The following NADSYN1 variants were observed in gnomAD, a reference collection of about 807,000 sequenced individuals.
NADSYN1 encodes NAD synthetase 1.
A neutral mutation model predicts 99.3 loss-of-function variants in NADSYN1; 80 were observed. That is an observed-to-expected ratio of 0.81 (90% CI 0.67 to 0.97). The LOEUF (loss-of-function observed/expected upper bound fraction) is 0.97. Among genes scored for constraint, NADSYN1 ranks in the 50% least tolerant of loss-of-function variants. NADSYN1 has a pLI of 0.00. For synonymous variants in NADSYN1, 385 were observed against 372.1 expected, an observed-to-expected ratio of 1.03 and a Z score of -0.40; for missense variants, 859 against 948.5, an observed-to-expected ratio of 0.91 and a Z score of 1.24.
chr11:71,463,921 A>G, intron 4 of NADSYN1, 132 bp from the exon 5 acceptor site: 1 of 660,122 alleles, frequency 1.5e-6, no homozygotes. Flanking sequence ...AGAAGGAGAG[A>G]GATTTGCTCG....
chr11:71,492,019 G>A (rs1157423180), intron 18 of NADSYN1, 116 bp downstream of exon 18: 1 of 965,560 alleles, frequency 1.0e-6, no homozygotes, highest in Non-Finnish European at 1.5e-6. Flanking sequence ...GCTGTCACTG[G>A]GTCCCTGGCC....
rs369555971 is a variant in NADSYN1 at position 71,453,395 on chromosome 11, G to A, written c.85+14G>A. 1 of 1,609,788 alleles carries A rather than the reference G, an allele frequency of 6.2e-7. No individual in the cohort carries two copies. The highest frequency in any genetic ancestry group is 2.2e-5 in the East Asian group (1 of 44,600). On this transcript the variant is annotated intron_variant, in intron 1 of 20. Transcript: ENST00000319023. ...GAATTTTAAAGAGTGAGTCTGGGGC[G>A]GCGGGGGCACCGGTTTGGGGTGGCG...
intron 11 of NADSYN1, 141 bp downstream of exon 11, chr11:71,481,020 G>A: frequency 1.7e-6 from 2 of 1,158,572 alleles, no homozygotes; most frequent in South Asian, 1.5e-5. Flanking sequence ...CATCCCCTGG[G>A]TTGAGGGCGT....
intron 5 of NADSYN1, among the ~76,000 whole-genome samples, chr11:71,465,725 C>A (rs1384602833): frequency 1.3e-5 from 2 of 152,116 alleles, no homozygotes; most frequent in Admixed American, 6.5e-5. Flanking sequence ...ACAGTTATTT[C>A]TGTTTTTTAT....
chr11:71,478,390 T>C lies in NADSYN1; in HGVS notation c.799-5T>C, dbSNP rs2276353. 0.92 allele frequency: 1,474,489 copies of C among 1,598,636 alleles called. 685,525 individuals are homozygous for C. Among genetic ancestry groups the C allele is most frequent in the Non-Finnish European group, 0.96 (1,124,518 of 1,172,540 alleles). On this transcript the variant is annotated splice_polypyrimidine_tract_variant and splice_region_variant and intron_variant, in intron 9 of 20. Transcript: ENST00000319023. Reference sequence around the variant, plus strand: ...ACGGGTTCTCTTTGAAATTTCCTTCTCCAGGAAGTCCTGACGGCCACGCTG... The same window carrying C: ...ACGGGTTCTCTTTGAAATTTCCTTCCCCAGGAAGTCCTGACGGCCACGCTG...
rs58551920 is a variant in NADSYN1 at position 71,493,580 on chromosome 11, T to TA, written c.1764+1687dup. Among the ~76,000 whole-genome samples, 1,420 of 150,204 alleles carry TA rather than the reference T, an allele frequency of 9.5e-3. 23 individuals carry two copies. Among genetic ancestry groups the TA allele is most frequent in the African/African-American group, 0.032 (1,309 of 41,030 alleles). ...TAACAAAAAATGTTAAAAAGCAAAA[T>TA]AAAAAAAAAATCATTTTTTTAATAG... On this transcript the variant is annotated intron_variant, in intron 18 of 20. Transcript: ENST00000319023.
intron 2 of NADSYN1, chr11:71,455,407 G>T (rs1037463527): frequency 4.3e-6 from 2 of 470,220 alleles, no homozygotes; most frequent in Non-Finnish European, 7.5e-6. Context: ...CCAGATGAAG[G>T]CCAGTTTCAA....
At chr11:71,484,470 C>T (rs1949729080) in intron 15 of NADSYN1, 23 bp downstream of exon 15, 5 of 1,605,790 alleles carry the variant, frequency 3.1e-6, no homozygotes, top group Admixed American at 1.7e-5. Context: ...GGGCCGGCGT[C>T]CCCTGGGGGT....
chr11:71,467,765 C>T (rs991533902), intron 5 of NADSYN1, among the ~76,000 whole-genome samples: 3 of 151,958 alleles, frequency 2.0e-5, no homozygotes, highest in African/African-American at 4.8e-5. Context: ...ATTCTTGTCT[C>T]AGAAGGAGAT....
chr11:71,473,490 G>C, intron 7 of NADSYN1, 79 bp from the exon 8 acceptor site: 1 of 1,533,002 alleles, frequency 6.5e-7, no homozygotes, highest in Non-Finnish European at 9.0e-7. Context: ...AGCTGCCGTG[G>C]GAGAGTGCAA....
At chr11:71,460,901 T>C (rs975183923) in intron 3 of NADSYN1, 1 of 152,226 alleles carries the variant, frequency 6.6e-6, no homozygotes, top group Non-Finnish European at 1.5e-5. Flanking sequence ...AGGGTTTGCC[T>C]TTATAAGCAA....
chr11:71,480,913 C>T (rs749579394), intron 11 of NADSYN1, 34 bp downstream of exon 11: 44 of 1,610,282 alleles, frequency 2.7e-5, no homozygotes, highest in African/African-American at 6.7e-5. Flanking sequence ...AGGGACCTGG[C>T]GTCTGTGTGG....
Position 71,474,462 on chromosome 11 carries a change from GTGCCATGAT to G in NADSYN1, c.743_751del (p.Ile248_Met250del). ...GGGGACCGCCTGTACTACGACGGCT[GTGCCATGAT>G]TGCCATGAACGGAAGCGTCTTTGCT... On this transcript the variant is annotated inframe_deletion, in exon 9 of 21. Transcript: ENST00000319023. The G allele has an allele frequency of 1.2e-6, 2 of 1,614,228 alleles. No individual in the cohort carries two copies. Among genetic ancestry groups the G allele is most frequent in the Non-Finnish European group, 1.7e-6 (2 of 1,180,030 alleles).
chr11:71,473,794 C>G, intron 8 of NADSYN1, 108 bp downstream of exon 8: 1 of 837,300 alleles, frequency 1.2e-6, no homozygotes, highest in South Asian at 1.5e-5. Context: ...AATGGATGTT[C>G]CAGGCTAGTA....
intron 1 of NADSYN1, among the ~76,000 whole-genome samples, chr11:71,453,617 A>G (rs1201225173): frequency 6.6e-6 from 1 of 152,158 alleles, no homozygotes; most frequent in African/African-American, 2.4e-5. Flanking sequence ...GGTTAAGAAA[A>G]GTCTGGCGGC....
intron 4 of NADSYN1, among the ~76,000 whole-genome samples, 175 bp from the exon 5 acceptor site, chr11:71,463,878 T>C (rs1949568286): frequency 6.6e-6 from 1 of 152,208 alleles, no homozygotes; most frequent in Non-Finnish European, 1.5e-5. Context: ...GATGCAGCCA[T>C]GGGGACCCGA....
intron 18 of NADSYN1, among the ~76,000 whole-genome samples, chr11:71,492,947 G>A (rs1161795893): frequency 6.6e-6 from 1 of 151,094 alleles, no homozygotes; most frequent in Non-Finnish European, 1.5e-5. Flanking sequence ...AGTTGCAGTG[G>A]CACAATCTCA....
chr11:71,465,380 C>T (rs188821463), intron 5 of NADSYN1, among the ~76,000 whole-genome samples: 1 of 152,308 alleles, frequency 6.6e-6, no homozygotes, highest in Non-Finnish European at 1.5e-5. Flanking sequence ...GTGCCAGTCC[C>T]TTATATGCCT....
chr11:71,467,104 A>G (rs1050761723), intron 5 of NADSYN1, among the ~76,000 whole-genome samples: 3 of 152,330 alleles, frequency 2.0e-5, no homozygotes, highest in South Asian at 4.1e-4. Flanking sequence ...GCCTCCCTCA[A>G]TCTGGTGCTT....
Sources: allele counts gnomAD v4.1 joint callset (sites outside exome capture counted in the v4.1 genomes callset), GRCh38; gene constraint gnomAD v4.1.1; transcripts MANE v1.5; gene names NCBI Gene and HGNC (gene_info 2026-07-23, HGNC 2026-07-21).